Variants in NDRG4 observed in about 807,000 individuals in gnomAD.
NDRG4 encodes NDRG family member 4, also known as protein NDRG4.
In NDRG4, 38 loss-of-function variants were observed where a neutral mutation model predicts 55.8. That is an observed-to-expected ratio of 0.68 (90% CI 0.53 to 0.89). The LOEUF (loss-of-function observed/expected upper bound fraction) is 0.89. Ranked by LOEUF, NDRG4 falls within the 40% of genes least tolerant of loss-of-function variation. The probability of loss-of-function intolerance (pLI) is 0.00; values close to 1 mark genes in which losing one functional copy is unlikely to be tolerated. For missense variants in NDRG4, 455 were observed against 468.6 expected (o/e 0.97, Z 0.27); for synonymous variants, 190 against 182.7 (o/e 1.04, Z -0.32).
chr16:58,512,158 C>G lies in NDRG4; in HGVS notation c.*582C>G. 1 of 454,062 alleles carries G rather than the reference C, an allele frequency of 2.2e-6. No individual in the cohort carries two copies. Among genetic ancestry groups the G allele is most frequent in the Non-Finnish European group, 4.4e-6 (1 of 225,750 alleles). The allele number at this position is 454,062 out of a possible 1,614,324, so 28.1% of individuals were successfully genotyped here. ...TGCTGTAGGGCCACGCAGGCAGGGG[C>G]GTCAAGGGGTTTCTCTGCCCAAGGA... is the stretch of plus-strand genomic sequence containing the variant. On this transcript the variant is annotated 3_prime_UTR_variant, in exon 15 of 15. Coordinates refer to ENST00000570248, the MANE Select transcript of NDRG4 (RefSeq NM_001242835.2).
intron 1 of NDRG4, among the ~76,000 whole-genome samples, chr16:58,486,001 A>G (rs558991897): frequency 5.9e-5 from 9 of 152,282 alleles, no homozygotes; most frequent in Non-Finnish European, 1.2e-4. Flanking sequence ...GTCTGAGAGT[A>G]TGAACCTTTT....
At chr16:58,494,847 A>AAT in intron 2 of NDRG4, 1 of 743,726 alleles carries the variant, frequency 1.3e-6, no homozygotes, top group Non-Finnish European at 2.1e-6. Context: ...AAAAAAAAAA[A>AAT]GAAAAGAAAA....
chr16:58,507,297 A>C (rs1431843248), intron 8 of NDRG4: 5 of 486,296 alleles, frequency 1.0e-5, no homozygotes, highest in African/African-American at 1.9e-5. Context: ...CCCTGACTCC[A>C]GTAACCCAGC....
At chr16:58,479,571 TGA>T (rs1435634360) in intron 1 of NDRG4, among the ~76,000 whole-genome samples, 2 of 150,754 alleles carry the variant, frequency 1.3e-5, no homozygotes, top group Admixed American at 6.6e-5. Flanking sequence ...GCCAGCAGCA[TGA>T]GTGTGTGCCC....
In NDRG4 at chr16:58,504,159, CTA is replaced by C; in HGVS notation, c.135_136del (p.Cys46LeufsTer113). 6.2e-7 allele frequency: 1 copy of C among 1,614,220 alleles called. No homozygotes were observed. The highest frequency in any genetic ancestry group is 8.5e-7 in the Non-Finnish European group (1 of 1,180,044). On this transcript the variant is annotated frameshift_variant, in exon 3 of 15. Transcript: ENST00000570248. LOFTEE classifies it high-confidence loss of function. ...GTGGAAGTGTGTCTTTGCAGACAAA[CTA>C]TGCTTCAACACCTTCTTCAACTTCG... is the stretch of plus-strand genomic sequence containing the variant. Reference protein sequence around the residue: ...TYHDVGLNHKLCFNTFFNFED... With the variant: ...TYHDVGLNHKXCFNTFFNFED...
At chr16:58,506,117 G>C (rs2037932886) in intron 5 of NDRG4, 1 of 561,340 alleles carries the variant, frequency 1.8e-6, no homozygotes, top group East Asian at 3.4e-5. Context: ...ATTAAGAGCT[G>C]ATTCTGTTGA....
intron 2 of NDRG4, among the ~76,000 whole-genome samples, chr16:58,494,302 T>C (rs1306638141): frequency 2.6e-5 from 4 of 152,162 alleles, no homozygotes; most frequent in Non-Finnish European, 5.9e-5. Flanking sequence ...ACTGTAACTT[T>C]GTGTGGATTG....
intron 1 of NDRG4, chr16:58,500,697 G>C: frequency 2.3e-6 from 1 of 427,644 alleles, no homozygotes; most frequent in South Asian, 5.8e-5. Flanking sequence ...GGGGGCGGGG[G>C]TGTCCTTGGT....
At chr16:58,475,819 CAG>C (rs1439205373) in intron 1 of NDRG4, among the ~76,000 whole-genome samples, 2 of 151,230 alleles carry the variant, frequency 1.3e-5, no homozygotes, top group East Asian at 3.9e-4. Flanking sequence ...TTTTTTCAGA[CAG>C]AGTCTCACTC....
At chr16:58,487,709 C>G in intron 1 of NDRG4, 1 of 1,418,882 alleles carries the variant, frequency 7.0e-7, no homozygotes, top group Non-Finnish European at 9.5e-7. Context: ...CTTCTCCGCC[C>G]GGGCGTCCCC....
At chr16:58,482,332 C>T (rs898438448) in intron 1 of NDRG4, among the ~76,000 whole-genome samples, 1 of 152,154 alleles carries the variant, frequency 6.6e-6, no homozygotes, top group African/African-American at 2.4e-5. Context: ...ACAGTTCTAC[C>T]TCTTTTCTTG....
At position 58,513,283 on chromosome 16, in the gene NDRG4, C is replaced by T. The variant is rs981547573; in HGVS notation, c.*1707C>T. On this transcript the variant is annotated 3_prime_UTR_variant, in exon 15 of 15. Coordinates refer to ENST00000570248, the MANE Select transcript of NDRG4 (RefSeq NM_001242835.2). ...TTTTAATGTTTATTATTTTCTTCTC[C>T]GCACAAAGTAAAGAGCCTAATTTTG... The T allele has an allele frequency of 2.6e-5, 4 of 151,960 alleles. No individual in the cohort carries two copies. The highest frequency in any genetic ancestry group is 2.4e-5 in the African/African-American group (1 of 41,310). The allele number at this position is 151,960 out of a possible 1,614,324, so 9.4% of individuals were successfully genotyped here.
At chr16:58,469,435 A>G (rs986399395) in intron 1 of NDRG4, among the ~76,000 whole-genome samples, 2 of 152,166 alleles carry the variant, frequency 1.3e-5, no homozygotes, top group Admixed American at 1.3e-4. Context: ...TATAAAGGGC[A>G]AGTTGGCAAT....
At chr16:58,463,934 C>T (rs577773731) in intron 1 of NDRG4, 1 of 146,254 alleles carries the variant, frequency 6.8e-6, no homozygotes, top group Non-Finnish European at 1.5e-5. Flanking sequence ...CCCCGCGAGT[C>T]CCGCACCGAC....
chr16:58,515,149 G>A (rs2039073218), downstream of NDRG4, among the ~76,000 whole-genome samples: 1 of 152,194 alleles, frequency 6.6e-6, no homozygotes, highest in Non-Finnish European at 1.5e-5. Flanking sequence ...GAGATCAGGA[G>A]GTCGCTCGCC....
rs372075519 is a variant in NDRG4, at chr16:58,484,234, G to A, written c.-23-3522G>A. The stretch of plus-strand genomic sequence containing the variant: ...AAAATACAAAAAAAATTAGCCAGGC[G>A]TGGTGGCAGGTGCCTGTAATCCCAA... On this transcript the variant is annotated intron_variant, in intron 1 of 15. Coordinates refer to the NDRG4 transcript ENST00000258187. Among the ~76,000 whole-genome samples the A allele has an allele frequency of 3.9e-5, 6 of 152,032 alleles. No individual in the cohort carries two copies. The East Asian group carries it at 5.8e-4, about 15-fold the overall frequency.
At chr16:58,465,730 C>T (rs1597012512) in intron 1 of NDRG4, among the ~76,000 whole-genome samples, 1 of 152,220 alleles carries the variant, frequency 6.6e-6, no homozygotes, top group African/African-American at 2.4e-5. Flanking sequence ...GAGACCCCAT[C>T]TTTACAAAAA....
At chr16:58,503,574 C>T (rs2037439141) in intron 1 of NDRG4, 2 of 842,384 alleles carry the variant, frequency 2.4e-6, no homozygotes, top group Non-Finnish European at 1.9e-6. Context: ...ACCAGACCTT[C>T]CCCATGCAGA....
chr16:58,480,811 C>T (rs553201138), intron 1 of NDRG4, among the ~76,000 whole-genome samples: 7 of 152,186 alleles, frequency 4.6e-5, no homozygotes, highest in African/African-American at 1.4e-4. Context: ...GATAGAGTCC[C>T]AGCCTGGCCA....
Sources: gnomAD v4.1 joint callset for allele counts (sites outside exome capture counted in the v4.1 genomes callset) on GRCh38, gnomAD v4.1.1 for gene constraint, MANE v1.5 for transcripts, NCBI Gene and HGNC (gene_info 2026-07-23, HGNC 2026-07-21) for gene names.